ITPK1: variants seen among roughly 807,000 people sequenced by gnomAD.
The protein encoded by ITPK1 is inositol-tetrakisphosphate 1-kinase, also known as inositol 1,3,4-trisphosphate 5/6-kinase.
A neutral mutation model predicts 45.3 loss-of-function variants in ITPK1; 21 were observed. The ratio of observed to expected loss-of-function variants is 0.46; its 90% confidence interval spans 0.33 to 0.67. The LOEUF is 0.67. ITPK1 is among the 30% of genes least tolerant of loss of function. The pLI is 0.02. For missense variants in ITPK1, 474 were observed against 573.5 expected, an observed-to-expected ratio of 0.83 and a Z score of 1.77; for synonymous variants, 258 against 253.6, an observed-to-expected ratio of 1.02 and a Z score of -0.16.
intron 5 of ITPK1, among the ~76,000 whole-genome samples, chr14:92,983,642 G>A (rs542755728): frequency 4.6e-5 from 7 of 152,048 alleles, no homozygotes; most frequent in Non-Finnish European, 7.4e-5. Context: ...AGGTGGGTAC[G>A]GCTTCCCCAG....
At chr14:92,969,033 C>G (rs1885518950) in intron 5 of ITPK1, among the ~76,000 whole-genome samples, 1 of 152,184 alleles carries the variant, frequency 6.6e-6, no homozygotes, top group Non-Finnish European at 1.5e-5. Flanking sequence ...GCTGCTATGT[C>G]TGCACCGCTT....
At chr14:93,025,133 T>G (rs1238167613) in intron 3 of ITPK1, among the ~76,000 whole-genome samples, 2 of 152,118 alleles carry the variant, frequency 1.3e-5, no homozygotes, top group African/African-American at 4.8e-5. Flanking sequence ...CGAGAACCTG[T>G]CCAGGGCTGG....
intron 3 of ITPK1, among the ~76,000 whole-genome samples, chr14:93,024,030 C>T (rs779261347): frequency 7.2e-5 from 11 of 152,138 alleles, no homozygotes; most frequent in East Asian, 1.9e-4. Context: ...GGGGAAAGTA[C>T]GAATCACAGG....
At chr14:93,088,489 G>C (rs1891741737) in intron 2 of ITPK1, among the ~76,000 whole-genome samples, 1 of 151,890 alleles carries the variant, frequency 6.6e-6, no homozygotes, top group African/African-American at 2.4e-5. Flanking sequence ...CCAAGTAGCT[G>C]GGACTACAGT....
At chr14:93,010,127 C>T (rs535848448) in intron 4 of ITPK1, among the ~76,000 whole-genome samples, 1 of 152,336 alleles carries the variant, frequency 6.6e-6, no homozygotes, top group African/African-American at 2.4e-5. Flanking sequence ...CAAACCCCTT[C>T]CCGGGGCCCA....
chr14:93,077,393 C>G (rs1432616312), intron 2 of ITPK1, among the ~76,000 whole-genome samples: 1 of 152,178 alleles, frequency 6.6e-6, no homozygotes, highest in Non-Finnish European at 1.5e-5. Context: ...TCTCAGCTCA[C>G]TACAACCTCC....
At chr14:93,109,322 G>A (rs1456974097) in intron 2 of ITPK1, among the ~76,000 whole-genome samples, 1 of 152,200 alleles carries the variant, frequency 6.6e-6, no homozygotes, top group Non-Finnish European at 1.5e-5. Context: ...AGACCTACAC[G>A]TGCACGCGCC....
chr14:93,105,862 C>T (rs1038622016), intron 2 of ITPK1, among the ~76,000 whole-genome samples: 5 of 152,114 alleles, frequency 3.3e-5, no homozygotes, highest in Non-Finnish European at 5.9e-5. Flanking sequence ...AGTCACCACA[C>T]CCAGCTGATT....
intron 5 of ITPK1, among the ~76,000 whole-genome samples, chr14:92,970,973 ACC>A (rs1885621519): frequency 6.6e-6 from 1 of 151,786 alleles, no homozygotes; most frequent in South Asian, 2.1e-4. Flanking sequence ...AGTGAAACCC[ACC>A]CCCGGACTTC....
At chr14:93,069,048 C>G (rs1202764263) in intron 3 of ITPK1, 3 of 152,550 alleles carry the variant, frequency 2.0e-5, no homozygotes, top group African/African-American at 7.2e-5. Context: ...CTCCCCCTCT[C>G]ACCTCCCACA....
intron 9 of ITPK1, 76 bp downstream of exon 9, chr14:92,951,870 C>T: frequency 3.3e-6 from 4 of 1,199,258 alleles, no homozygotes; most frequent in South Asian, 1.3e-5. Flanking sequence ...GCCAAGGACC[C>T]CATGGCCACA....
chr14:93,060,773 T>C (rs1487412105), intron 3 of ITPK1, among the ~76,000 whole-genome samples: 1 of 152,088 alleles, frequency 6.6e-6, no homozygotes, highest in Non-Finnish European at 1.5e-5. Context: ...CCCAGAGTGA[T>C]TGGTGCTTGG....
chr14:93,108,830 T>C (rs1237746400), intron 2 of ITPK1, among the ~76,000 whole-genome samples: 1 of 152,214 alleles, frequency 6.6e-6, no homozygotes, highest in East Asian at 1.9e-4. Flanking sequence ...CTGGCCAAGA[T>C]GGCGAAACCC....
intron 3 of ITPK1, among the ~76,000 whole-genome samples, chr14:93,060,576 A>G (rs930819089): frequency 5.3e-5 from 8 of 152,202 alleles, no homozygotes; most frequent in African/African-American, 1.9e-4. Context: ...CTCTGCTGCA[A>G]AAGGCCCATG....
chr14:92,967,322 T>C (rs1200449349), intron 5 of ITPK1, among the ~76,000 whole-genome samples: 5 of 152,206 alleles, frequency 3.3e-5, no homozygotes. Context: ...AATAAGCACC[T>C]TATTAGCCAT....
chr14:93,028,744 C>G (rs1297322980), intron 3 of ITPK1, among the ~76,000 whole-genome samples: 1 of 152,200 alleles, frequency 6.6e-6, no homozygotes, highest in Admixed American at 6.5e-5. Context: ...ATTGGATCTC[C>G]CACCTCTAAC....
chr14:92,947,123 G>A (rs1887729356), intron 9 of ITPK1, among the ~76,000 whole-genome samples: 1 of 152,242 alleles, frequency 6.6e-6, no homozygotes, highest in Non-Finnish European at 1.5e-5. Flanking sequence ...TGCCATCACA[G>A]AGACCCCCAA....
chr14:92,937,287 T>C lies in ITPK1; in HGVS notation c.*4274A>G, dbSNP rs58190804. The C allele has an allele frequency of 0.14, 21,367 of 152,250 alleles. 1,596 individuals carry two copies. The highest frequency in any genetic ancestry group is 0.23 in the South Asian group (1,097 of 4,820). The allele number at this position is 152,250 out of a possible 1,614,324, so 9.4% of individuals were successfully genotyped here. ...TGTGAACAGCTTGAAGCAAACAGCA[T>C]TTGTCACAAAGCCCAGGTGTCGGCA... On this transcript the variant is annotated 3_prime_UTR_variant, in exon 11 of 11. Transcript: ENST00000267615.
intron 5 of ITPK1, among the ~76,000 whole-genome samples, chr14:92,964,929 G>GTAACTCAT (rs1312591909): frequency 6.6e-6 from 1 of 152,206 alleles, no homozygotes; most frequent in Non-Finnish European, 1.5e-5. Context: ...TAGTTACACA[G>GTAACTCAT]TAACTCATTT....
Sources: allele counts gnomAD v4.1 joint callset (sites outside exome capture counted in the v4.1 genomes callset), GRCh38; gene constraint gnomAD v4.1.1; transcripts MANE v1.5; gene names NCBI Gene and HGNC (gene_info 2026-07-23, HGNC 2026-07-21).